Variants in KCNQ2 observed in about 807,000 individuals in gnomAD.
KCNQ2 encodes potassium voltage-gated channel subfamily Q member 2, also known as potassium voltage-gated channel subfamily KQT member 2.
KCNQ2 carries 14 observed loss-of-function variants against 84.8 expected under a neutral mutation model. The ratio of observed to expected loss-of-function variants is 0.17; its 90% CI spans 0.11 to 0.26. KCNQ2 has a LOEUF of 0.26. Among genes scored for constraint, KCNQ2 ranks in the 10% least tolerant of loss-of-function variants. The probability of loss-of-function intolerance (pLI) is 1.00; values close to 1 mark genes in which losing one functional copy is unlikely to be tolerated. For missense variants in KCNQ2, 788 were observed against 1,254.0 expected (o/e 0.63, Z 5.61); for synonymous variants, 599 against 554.1 (o/e 1.08, Z -1.14).
At chr20:63,444,878 C>A in intron 3 of KCNQ2, 44 bp from the exon 4 acceptor site, 1 of 1,538,654 alleles carries the variant, frequency 6.5e-7, no homozygotes, top group East Asian at 2.3e-5. Flanking sequence ...GGCCGCTCCC[C>A]GCACCCCCTT....
At chr20:63,443,295 CCACCACCATCACCAT>C (rs2081295948) in intron 4 of KCNQ2, among the ~76,000 whole-genome samples, 1 of 44,618 alleles carries the variant, frequency 2.2e-5, no homozygotes, top group African/African-American at 9.8e-5. Context: ...ACCATCATCA[CCACCACCATCACCAT>C]CATCACCACC....
At chr20:63,431,492 T>C in intron 8 of KCNQ2, 123 bp from the exon 9 acceptor site, 1 of 1,115,198 alleles carries the variant, frequency 9.0e-7, no homozygotes, top group Non-Finnish European at 1.4e-6. Context: ...ACAAAGAAAA[T>C]TAGCACAAGG....
intron 8 of KCNQ2, among the ~76,000 whole-genome samples, chr20:63,431,756 C>T (rs939047005): frequency 2.6e-5 from 4 of 152,176 alleles, no homozygotes; most frequent in Admixed American, 1.3e-4. Context: ...AGGACTGCCG[C>T]GGGTCTGTCC....
rs1324232141 is a variant in KCNQ2, at chr20:63,401,935, T to C, written c.*4709A>G. ...CAAGCCTCGTGAGCCATCCCTCTCA[T>C]ACCACGTCTGCTGGGCACCCTCCAC... On this transcript the variant is annotated 3_prime_UTR_variant, in exon 17 of 17. Coordinates refer to ENST00000359125, the MANE Select transcript of KCNQ2 (RefSeq NM_172107.4). 3.6e-4 allele frequency: 52 copies of C among 145,962 alleles called. No individual in the cohort carries two copies. Among genetic ancestry groups the C allele is most frequent in the Middle Eastern group, 3.7e-3 (1 of 268 alleles). The allele number at this position is 145,962 out of a possible 1,614,324, so 9.0% of individuals were successfully genotyped here. A position where few individuals can be genotyped will look rare whatever the true frequency, so the allele number is the denominator to read the frequency against.
At chr20:63,470,584 G>A (rs1490816581) in intron 1 of KCNQ2, among the ~76,000 whole-genome samples, 1 of 152,218 alleles carries the variant, frequency 6.6e-6, no homozygotes, top group Admixed American at 6.5e-5. Context: ...CAGCCACGCT[G>A]GGCCCTTGGA....
At chr20:63,444,859 G>C (rs1345804179) in intron 3 of KCNQ2, 25 bp from the exon 4 acceptor site, 2 of 1,568,376 alleles carry the variant, frequency 1.3e-6, no homozygotes, top group Non-Finnish European at 1.7e-6. Flanking sequence ...TGGAGCTGGT[G>C]AGCTGCTGGG....
Position 63,407,628 on chromosome 20 carries a change from C to T in KCNQ2, c.1888-253G>A, listed in dbSNP as rs1375488081. 6.6e-6 allele frequency among the ~76,000 whole-genome samples: 1 copy of T among 151,282 alleles called. No homozygotes were observed. ...CAGGCTAGTCCCAGGAAATGGGGGA[C>T]CCAGGCTAGTCCCAGGAAATGGGGG... On this transcript the variant is annotated intron_variant, in intron 16 of 16. Transcript: ENST00000359125. The surrounding 1 kb of genome is among the most constrained non-coding windows in gnomAD (Gnocchi z 7.2).
Position 63,437,955 on chromosome 20 carries a change from G to C in KCNQ2, c.1023+670C>G, listed in dbSNP as rs567016670. Among the ~76,000 whole-genome samples, 76 of 152,224 alleles carry C rather than the reference G, an allele frequency of 5.0e-4. 1 individual carries two copies. The South Asian group carries it at 9.4e-3, about 19-fold the overall frequency. On this transcript the variant is annotated intron_variant, in intron 7 of 16. Coordinates refer to ENST00000359125, the MANE Select transcript of KCNQ2 (RefSeq NM_172107.4). Reference sequence around the variant, plus strand: ...CTCCCGAGTAGCTGGGATTACAGACGCACGCCACCACGCCCAGCTAATTTT... The same window carrying C: ...CTCCCGAGTAGCTGGGATTACAGACCCACGCCACCACGCCCAGCTAATTTT...
rs1358495877 is a variant in KCNQ2, at chr20:63,414,178, C to T, written c.1541G>A (p.Gly514Glu). Residue 514 changes from glycine to glutamate, a missense_variant, in exon 14 of 17, where the codon GGA (glycine) becomes GAA (glutamate). Gly to Glu is a moderately conservative substitution (Grantham distance 98). Coordinates refer to ENST00000359125, the MANE Select transcript of KCNQ2 (RefSeq NM_172107.4). The surrounding 1 kb of genome is among the most constrained non-coding windows in gnomAD (Gnocchi z 6.6). ...GCTCTTGTCATCCACAATGTCCTCT[C>T]CGGGGAGGCTTGCTTCTGGGGGGAA... ...RQNSEEASLPGEDIVDDKSCP... is the reference protein window; with the variant it reads ...RQNSEEASLPEEDIVDDKSCP... 7 of 1,613,536 alleles carry T rather than the reference C, an allele frequency of 4.3e-6. No homozygotes were observed. Among genetic ancestry groups the T allele is most frequent in the Non-Finnish European group, 5.9e-6 (7 of 1,179,860 alleles).
At chr20:63,432,951 C>T (rs960642378) in intron 8 of KCNQ2, among the ~76,000 whole-genome samples, 1 of 152,154 alleles carries the variant, frequency 6.6e-6, no homozygotes. Flanking sequence ...ACGGGGGGCG[C>T]GGGAGCTGGG....
intron 4 of KCNQ2, 48 bp from the exon 5 acceptor site, chr20:63,442,579 TC>T: frequency 6.3e-7 from 1 of 1,592,298 alleles, no homozygotes; most frequent in Non-Finnish European, 8.6e-7. Flanking sequence ...ACCAGAAGCA[TC>T]ACCATCACCA....
chr20:63,427,551 C>A (rs1279290943), intron 10 of KCNQ2, among the ~76,000 whole-genome samples: 3 of 152,352 alleles, frequency 2.0e-5, no homozygotes, highest in South Asian at 4.1e-4. Flanking sequence ...GGGGCCTGCT[C>A]CCTCCGAAAG....
chr20:63,439,563 C>A (rs2081096308), intron 6 of KCNQ2, 35 bp downstream of exon 6: 1 of 1,502,416 alleles, frequency 6.7e-7, no homozygotes, highest in Middle Eastern at 1.7e-4. Context: ...AAGACCTCGT[C>A]CCCCTCCAAG....
At chr20:63,466,278 G>A (rs1001752013) in intron 1 of KCNQ2, among the ~76,000 whole-genome samples, 3 of 150,162 alleles carry the variant, frequency 2.0e-5, no homozygotes, top group South Asian at 2.1e-4. Context: ...TTCAACCCAC[G>A]ACCCCCGCAG....
At chr20:63,468,328 TG>T (rs956586866) in intron 1 of KCNQ2, among the ~76,000 whole-genome samples, 6 of 152,316 alleles carry the variant, frequency 3.9e-5, no homozygotes, top group African/African-American at 1.4e-4. Context: ...GACTGGACCC[TG>T]GTCCTGCCAG....
At chr20:63,430,984 G>C (rs943924078) in intron 9 of KCNQ2, among the ~76,000 whole-genome samples, 38 of 152,332 alleles carry the variant, frequency 2.5e-4, no homozygotes, top group Admixed American at 3.9e-4. Flanking sequence ...TGTGGGGTGG[G>C]GATGGAGGCA....
At chr20:63,428,488 G>A (rs1471037667) in intron 9 of KCNQ2, 53 bp from the exon 10 acceptor site, 1 of 1,441,740 alleles carries the variant, frequency 6.9e-7, no homozygotes, top group Admixed American at 1.9e-5. Context: ...CGAGTCCTGG[G>A]ACACCTCCCT....
At chr20:63,455,850 AG>A (rs1257384115) in intron 1 of KCNQ2, among the ~76,000 whole-genome samples, 1 of 108,878 alleles carries the variant, frequency 9.2e-6, no homozygotes. Flanking sequence ...CACCTCCGGG[AG>A]ACCCCTCTGC....
At position 63,406,865 on chromosome 20, in the gene KCNQ2, G is replaced by A. The variant is rs1319954117; in HGVS notation, c.2398C>T (p.Arg800Cys). ...GAGATGCTGAAGCCGCTGAAGGAACGCTCCAGCTCCTCGTGGTCCACGGAC... is the reference window on the plus strand; with the variant it reads ...GAGATGCTGAAGCCGCTGAAGGAACACTCCAGCTCCTCGTGGTCCACGGAC... ...IPSVDHEELERSFSGFSISQS... is the reference protein window; with the variant it reads ...IPSVDHEELECSFSGFSISQS... The change falls in exon 17 of 17, where the codon CGT (arginine) becomes TGT (cysteine). Residue 800 changes from arginine to cysteine, a missense_variant. This residue lies in a region of KCNQ2 where 378 missense variants were observed against 434.5 expected (regional missense o/e 0.87). Transcript: ENST00000359125. 3.7e-6 allele frequency: 6 copies of A among 1,612,278 alleles called. No individual in the cohort carries two copies. Among genetic ancestry groups the A allele is most frequent in the Middle Eastern group, 1.6e-4 (1 of 6,062 alleles).
Sources: allele counts gnomAD v4.1 joint callset (sites outside exome capture counted in the v4.1 genomes callset), GRCh38; gene constraint gnomAD v4.1.1; regional missense constraint gnomAD v4.1.1; non-coding constraint Gnocchi (gnomAD v3.1); transcripts MANE v1.5; gene names NCBI Gene and HGNC (gene_info 2026-07-23, HGNC 2026-07-21).